Variants in PAM observed in about 807,000 individuals in gnomAD.
PAM encodes peptidyl-glycine alpha-amidating monooxygenase.
PAM carries 72 observed loss-of-function variants against 122.1 expected under a neutral mutation model. The ratio of observed to expected loss-of-function variants is 0.59; its 90% CI spans 0.49 to 0.72. PAM has a LOEUF of 0.72. Ranked by LOEUF, PAM falls within the 30% of genes least tolerant of loss-of-function variation. The probability of loss-of-function intolerance (pLI) is 0.00; values close to 1 mark genes in which losing one functional copy is unlikely to be tolerated. For missense variants in PAM, 1,106 were observed against 1,183.7 expected, an observed-to-expected ratio of 0.93 and a Z score of 0.96; for synonymous variants, 389 against 404.4, an observed-to-expected ratio of 0.96 and a Z score of 0.46.
intron 15 of PAM, among the ~76,000 whole-genome samples, chr5:102,989,169 C>T (rs1387425508): frequency 6.6e-6 from 1 of 152,112 alleles, no homozygotes. Flanking sequence ...TAGATATATA[C>T]ATTGTACCCC....
chr5:103,006,804 T>C lies in PAM; in HGVS notation c.1807T>C (p.Phe603Leu). Reference protein sequence around the residue: ...WVTDVALHQVFKLDPNNKEGP... With the variant: ...WVTDVALHQVLKLDPNNKEGP... ...GCTTTTGTTCCTTTTTAAAAAGGTG[T>C]TCAAACTGGATCCAAACAATAAAGA... The change falls in exon 19 of 26, where the codon TTC becomes CTC. Residue 603 changes from phenylalanine to leucine, a missense_variant. Phe to Leu is a conservative substitution (Grantham distance 22). Coordinates refer to ENST00000438793, the MANE Select transcript of PAM (RefSeq NM_001177306.2). The C allele has an allele frequency of 6.2e-7, 1 of 1,610,928 alleles. No homozygotes were observed. Among genetic ancestry groups the C allele is most frequent in the Non-Finnish European group, 8.5e-7 (1 of 1,177,938 alleles).
intron 5 of PAM, among the ~76,000 whole-genome samples, chr5:102,914,560 C>T (rs550492575): frequency 6.6e-6 from 1 of 152,098 alleles, no homozygotes; most frequent in African/African-American, 2.4e-5. Flanking sequence ...TTATTCTACC[C>T]GAAGAGCATC....
chr5:102,883,883 T>G (rs1792126274), intron 3 of PAM, among the ~76,000 whole-genome samples: 1 of 151,936 alleles, frequency 6.6e-6, no homozygotes, highest in Non-Finnish European at 1.5e-5. Flanking sequence ...TTAAGATATG[T>G]CCCTTCTATG....
chr5:103,028,902 G>C lies in PAM; in HGVS notation c.2759G>C (p.Gly920Ala). The change falls in exon 26 of 26, where the codon GGC becomes GCC. Residue 920 changes from glycine (G) to alanine (A), a missense_variant. Gly to Ala is a moderately conservative substitution (Grantham distance 60). Coordinates refer to ENST00000438793, the MANE Select transcript of PAM (RefSeq NM_001177306.2). ...TTTTTTTCAGGAAAGGGAAGTGGAGGCTTAAACCTTGGTAATTTCTTTGCA... is the reference window on the plus strand; with the variant it reads ...TTTTTTTCAGGAAAGGGAAGTGGAGCCTTAAACCTTGGTAATTTCTTTGCA... The part of the protein sequence containing the change: ...LGRFRGKGSG[G>A]LNLGNFFASR... 1 of 1,610,366 alleles carries C rather than the reference G, an allele frequency of 6.2e-7. No individual in the cohort carries two copies. The highest frequency in any genetic ancestry group is 8.5e-7 in the Non-Finnish European group (1 of 1,178,644).
intron 1 of PAM, among the ~76,000 whole-genome samples, chr5:102,850,719 T>C (rs1454300567): frequency 6.6e-6 from 1 of 151,934 alleles, no homozygotes; most frequent in Non-Finnish European, 1.5e-5. Context: ...GCGCGGGTAG[T>C]CGAGGGGGCG....
At chr5:102,818,561 A>G (rs140687204) in intron 1 of PAM, among the ~76,000 whole-genome samples, 1 of 152,326 alleles carries the variant, frequency 6.6e-6, no homozygotes, top group Non-Finnish European at 1.5e-5. Context: ...AGGAAGCATT[A>G]TGAACTGTCA....
chr5:102,974,571 C>T (rs1025673220), intron 15 of PAM, 135 bp downstream of exon 15: 4 of 595,848 alleles, frequency 6.7e-6, no homozygotes, highest in East Asian at 2.8e-5. Flanking sequence ...AAAAATTACT[C>T]AGATTTGGGC....
intron 7 of PAM, among the ~76,000 whole-genome samples, chr5:102,937,382 A>G (rs1753609003): frequency 6.6e-6 from 1 of 152,184 alleles, no homozygotes; most frequent in African/African-American, 2.4e-5. Flanking sequence ...TCTGAAAGAG[A>G]AATGATTGGC....
intron 3 of PAM, among the ~76,000 whole-genome samples, chr5:102,892,505 C>T (rs184179890): frequency 6.6e-6 from 1 of 151,882 alleles, no homozygotes; most frequent in East Asian, 2.0e-4. Context: ...GACTGAGATG[C>T]CATGTGTTTA....
chr5:103,002,725 T>C (rs1355631633), intron 16 of PAM, among the ~76,000 whole-genome samples: 3 of 152,204 alleles, frequency 2.0e-5, no homozygotes, highest in South Asian at 4.1e-4. Context: ...TTGATCAATG[T>C]TTCTCAAACC....
chr5:103,010,670 C>A (rs1212025903), intron 21 of PAM, among the ~76,000 whole-genome samples: 1 of 152,106 alleles, frequency 6.6e-6, no homozygotes, highest in Non-Finnish European at 1.5e-5. Context: ...GCTACTGAAC[C>A]AAGTTTATAT....
At chr5:102,912,841 TA>T (rs1353907269) in intron 4 of PAM, among the ~76,000 whole-genome samples, 1 of 152,014 alleles carries the variant, frequency 6.6e-6, no homozygotes, top group Non-Finnish European at 1.5e-5. Context: ...TTCATTGCAG[TA>T]AAAGAAAGGT....
intron 1 of PAM, among the ~76,000 whole-genome samples, chr5:102,805,356 C>A (rs1320293275): frequency 6.6e-6 from 1 of 152,192 alleles, no homozygotes; most frequent in Non-Finnish European, 1.5e-5. Flanking sequence ...GCATGAGCCA[C>A]TGCACCTGGC....
In PAM at chr5:102,913,808, T is replaced by G. The variant is rs989545925; in HGVS notation, c.269-126T>G. The G allele has an allele frequency of 4.9e-6, 3 of 613,212 alleles. No individual in the cohort carries two copies. In the Admixed American group the frequency reaches 8.4e-5, roughly 17 times the overall value. The allele number at this position is 613,212 out of a possible 1,614,324, so 38.0% of individuals were successfully genotyped here. On this transcript the variant is annotated intron_variant, in intron 4 of 25. Transcript: ENST00000438793. Reference sequence around the variant, plus strand: ...AGATAATTTATACAGACAGGGCATTTGATCACAAGAACATCAAAACATCTT... The same window carrying G: ...AGATAATTTATACAGACAGGGCATTGGATCACAAGAACATCAAAACATCTT...
At chr5:102,836,130 A>G (rs1317529494) in intron 1 of PAM, among the ~76,000 whole-genome samples, 1 of 152,228 alleles carries the variant, frequency 6.6e-6, no homozygotes, top group African/African-American at 2.4e-5. Flanking sequence ...TGCTCAAGAT[A>G]GGAATTTGAA....
chr5:102,948,555 T>C, intron 9 of PAM, 110 bp downstream of exon 9: 1 of 620,490 alleles, frequency 1.6e-6, no homozygotes, highest in Non-Finnish European at 2.9e-6. Flanking sequence ...TTTTATGTCT[T>C]GGAAAAATGA....
intron 10 of PAM, 27 bp downstream of exon 10, chr5:102,949,644 A>C (rs1247326055): frequency 9.4e-7 from 1 of 1,062,456 alleles, no homozygotes; most frequent in East Asian, 2.4e-5. Context: ...TTAAATTATA[A>C]ATATTTACCA....
At chr5:102,921,712 T>A (rs1747514609) in intron 5 of PAM, among the ~76,000 whole-genome samples, 1 of 152,200 alleles carries the variant, frequency 6.6e-6, no homozygotes, top group South Asian at 2.1e-4. Context: ...TTGTTTTATC[T>A]CAAATTTGAT....
intron 1 of PAM, among the ~76,000 whole-genome samples, chr5:102,848,071 A>T (rs1780393149): frequency 2.6e-5 from 4 of 152,200 alleles, no homozygotes; most frequent in Admixed American, 6.5e-5. Context: ...GGGTGTCAGA[A>T]GGAGGAAATG....
Sources: allele counts gnomAD v4.1 joint callset (sites outside exome capture counted in the v4.1 genomes callset), GRCh38; gene constraint gnomAD v4.1.1; transcripts MANE v1.5; gene names NCBI Gene and HGNC (gene_info 2026-07-23, HGNC 2026-07-21).